Variants in NOD1 observed in about 807,000 individuals in gnomAD.
The protein encoded by NOD1 is nucleotide-binding oligomerization domain-containing protein 1.
A neutral mutation model predicts 81.2 loss-of-function variants in NOD1; 70 were observed. That is an observed-to-expected ratio of 0.86 (90% CI 0.71 to 1.05). NOD1 has a LOEUF of 1.05. Ranked by LOEUF, NOD1 falls within the 50% of genes least tolerant of loss-of-function variation. The pLI is 0.00. For missense variants in NOD1, 1,233 were observed against 1,228.0 expected, an observed-to-expected ratio of 1.00 and a Z score of -0.06; for synonymous variants, 508 against 526.9, an observed-to-expected ratio of 0.96 and a Z score of 0.49.
In NOD1 at chr7:30,429,403, T is replaced by C. The variant is rs767945249; in HGVS notation, c.2760A>G (p.Leu920=). 4.3e-6 allele frequency: 7 copies of C among 1,614,198 alleles called. No individual in the cohort carries two copies. Among genetic ancestry groups the C allele is most frequent in the Non-Finnish European group, 5.9e-6 (7 of 1,179,986 alleles). ...TCTCTGTTATGCCAGTGTTGCTCTG[T>C]AACGCATCTGCCAGCTGGGCAGTCC... ...AKGTAQLADA[L]QSNTGITEIC... The change falls in exon 13 of 14, where the codon TTA becomes TTG. Residue 920 remains leucine, a synonymous_variant. Transcript: ENST00000222823.
chr7:30,425,416 C>G lies in NOD1; in HGVS notation c.*222G>C. 1 of 584,918 alleles carries G rather than the reference C, an allele frequency of 1.7e-6. No homozygotes were observed. Among genetic ancestry groups the G allele is most frequent in the Admixed American group, 3.0e-5 (1 of 33,344 alleles). 36.2% of individuals were successfully genotyped at this position (584,918 alleles called of 1,614,324 possible). A position where few individuals can be genotyped will look rare whatever the true frequency, so the allele number is the denominator to read the frequency against. On this transcript the variant is annotated 3_prime_UTR_variant, in exon 14 of 14. Transcript: ENST00000222823. ...AGTGTATTTACTGTAACTACAACAG[C>G]TCGCAAGACACATTCTTTTTCTGCA...
intron 5 of NOD1, 82 bp from the exon 6 acceptor site, chr7:30,453,122 G>A (rs2128057887): frequency 6.8e-7 from 1 of 1,470,272 alleles, no homozygotes; most frequent in East Asian, 2.3e-5. Flanking sequence ...TCTCAAAGAG[G>A]AGAGGCGAGT....
intron 12 of NOD1, among the ~76,000 whole-genome samples, chr7:30,430,241 T>C (rs1350475789): frequency 6.6e-6 from 1 of 152,180 alleles, no homozygotes; most frequent in Non-Finnish European, 1.5e-5. Context: ...GTGGAAAAGC[T>C]TTAATAATGG....
chr7:30,431,061 C>G (rs1489790326), intron 12 of NOD1, among the ~76,000 whole-genome samples: 1 of 152,184 alleles, frequency 6.6e-6, no homozygotes, highest in Non-Finnish European at 1.5e-5. Flanking sequence ...AGGAGAGCAC[C>G]TAATGCCCCT....
At chr7:30,466,437 TA>T (rs1787700944) in intron 1 of NOD1, among the ~76,000 whole-genome samples, 1 of 152,028 alleles carries the variant, frequency 6.6e-6, no homozygotes, top group Non-Finnish European at 1.5e-5. Context: ...GGCCCACAAA[TA>T]ACCACAATGA....
Position 30,456,296 on chromosome 7 carries a change from T to C in NOD1, c.201+425A>G, listed in dbSNP as rs73687872. Among the ~76,000 whole-genome samples the C allele has an allele frequency of 7.6e-3, 1,154 of 152,308 alleles. 18 individuals are homozygous for C. Among genetic ancestry groups the C allele is most frequent in the African/African-American group, 0.026 (1,068 of 41,574 alleles). ...CAGTGGAGCGGGGAAGATTCTTCAC[T>C]GTGGACCCACCGTGGGATGTCATCA... On this transcript the variant is annotated intron_variant, in intron 4 of 13. Coordinates refer to ENST00000222823, the MANE Select transcript of NOD1 (RefSeq NM_006092.4).
At chr7:30,439,399 G>C (rs1365536142) in intron 9 of NOD1, among the ~76,000 whole-genome samples, 1 of 139,722 alleles carries the variant, frequency 7.2e-6, no homozygotes, top group Admixed American at 6.9e-5. Flanking sequence ...GTGTGTGCGC[G>C]CACCGTGCGC....
intron 12 of NOD1, among the ~76,000 whole-genome samples, chr7:30,432,225 A>T (rs1784011381): frequency 6.6e-6 from 1 of 152,254 alleles, no homozygotes; most frequent in African/African-American, 2.4e-5. Context: ...TCTAGCACCC[A>T]GAATATATAG....
chr7:30,477,467 C>T (rs529201712), intron 1 of NOD1, among the ~76,000 whole-genome samples: 3 of 152,254 alleles, frequency 2.0e-5, no homozygotes, highest in African/African-American at 7.2e-5. Context: ...AGAACAAACT[C>T]GACCCTTTGG....
At chr7:30,450,903 C>A (rs188489450) in intron 6 of NOD1, among the ~76,000 whole-genome samples, 1 of 152,260 alleles carries the variant, frequency 6.6e-6, no homozygotes, top group Non-Finnish European at 1.5e-5. Context: ...TGCACTTCAC[C>A]CATTCTCAAC....
intron 1 of NOD1, among the ~76,000 whole-genome samples, chr7:30,465,605 C>T (rs1787613410): frequency 6.6e-6 from 1 of 151,964 alleles, no homozygotes; most frequent in Admixed American, 6.6e-5. Flanking sequence ...ACACTGGCCT[C>T]ATGATTTCAC....
At chr7:30,461,455 G>A (rs888817642) in intron 1 of NOD1, among the ~76,000 whole-genome samples, 3 of 152,214 alleles carry the variant, frequency 2.0e-5, no homozygotes, top group African/African-American at 7.2e-5. Context: ...TGGGATTACA[G>A]GTGTGAGCCA....
chr7:30,462,427 T>G (rs1048750768), intron 1 of NOD1, among the ~76,000 whole-genome samples: 2 of 79,436 alleles, frequency 2.5e-5, no homozygotes, highest in African/African-American at 4.5e-5. Context: ...TTCTGATGGG[T>G]TTTTTTTTTT....
chr7:30,425,543 A>G lies in NOD1; in HGVS notation c.*95T>C. Reference sequence around the variant, plus strand: ...GGACTCCTGATAGTCCCGCCTGCGCAGGCCCCTTTAAGACACTGACACAAA... The same window carrying G: ...GGACTCCTGATAGTCCCGCCTGCGCGGGCCCCTTTAAGACACTGACACAAA... On this transcript the variant is annotated 3_prime_UTR_variant, in exon 14 of 14. Coordinates refer to ENST00000222823, the MANE Select transcript of NOD1 (RefSeq NM_006092.4). 1 of 880,840 alleles carries G rather than the reference A, an allele frequency of 1.1e-6. No homozygotes were observed. The allele number at this position is 880,840 out of a possible 1,614,324, so 54.6% of individuals were successfully genotyped here. A position where few individuals can be genotyped will look rare whatever the true frequency, so the allele number is the denominator to read the frequency against.
At chr7:30,454,952 G>A (rs5743339) in intron 5 of NOD1, among the ~76,000 whole-genome samples, 185 bp downstream of exon 5, 1,717 of 152,298 alleles carry the variant, frequency 0.011, 29 homozygotes, top group African/African-American at 0.037. Flanking sequence ...ATCGAGGTGT[G>A]GGCAGTTCAA....
chr7:30,430,381 G>A (rs1030195386), intron 12 of NOD1, among the ~76,000 whole-genome samples: 3 of 152,202 alleles, frequency 2.0e-5, no homozygotes, highest in Non-Finnish European at 4.4e-5. Context: ...AACCCAACCA[G>A]GAAATAAATG....
chr7:30,474,367 T>C (rs972942413), intron 1 of NOD1, among the ~76,000 whole-genome samples: 1 of 151,714 alleles, frequency 6.6e-6, no homozygotes, highest in Non-Finnish European at 1.5e-5. Context: ...AGAGTTGGAG[T>C]GGTTAAGTAT....
At chr7:30,445,994 G>C in intron 9 of NOD1, 147 bp downstream of exon 9, 2 of 675,568 alleles carry the variant, frequency 3.0e-6, no homozygotes, top group Non-Finnish European at 5.3e-6. Flanking sequence ...TTTCAGTTTC[G>C]CAGCATGGTG....
chr7:30,436,126 C>A, intron 10 of NOD1, 45 bp from the exon 11 acceptor site: 1 of 1,449,448 alleles, frequency 6.9e-7, no homozygotes, highest in Non-Finnish European at 9.7e-7. Context: ...GACACATCTA[C>A]ATTCAATCTT....
Sources: gnomAD v4.1 joint callset for allele counts (sites outside exome capture counted in the v4.1 genomes callset) on GRCh38, gnomAD v4.1.1 for gene constraint, MANE v1.5 for transcripts, NCBI Gene and HGNC (gene_info 2026-07-23, HGNC 2026-07-21) for gene names.